Variants in POF1B observed in about 807,000 individuals in gnomAD.
The protein encoded by POF1B is POF1B actin binding protein, also known as protein POF1B.
Under a neutral mutation model 55.3 loss-of-function variants are expected in POF1B, and 53 were observed. That is an observed-to-expected ratio of 0.96 (90% CI 0.77 to 1.20). The LOEUF (loss-of-function observed/expected upper bound fraction) is 1.20. Among genes scored for constraint, POF1B ranks in the 50% most tolerant of loss-of-function variants. The pLI is 0.00. For synonymous variants in POF1B, 188 were observed against 148.3 expected (o/e 1.27, Z -1.95); for missense variants, 478 against 420.5 (o/e 1.14, Z -1.20).
chrX:85,287,265 G>A (rs1338444639), intron 15 of POF1B, among the ~76,000 whole-genome samples: 2 of 110,863 alleles, frequency 1.8e-5, no homozygotes, highest in Non-Finnish European at 3.8e-5. Context: ...TAGTGAAATA[G>A]GAAAGAGAGA....
At chrX:85,304,294 A>G (rs1381335251) in intron 14 of POF1B, 49 bp downstream of exon 14, 1 of 1,060,890 alleles carries the variant, frequency 9.4e-7, no homozygotes, top group Non-Finnish European at 1.2e-6. Context: ...ACAGTACTAC[A>G]GTACTAAGTT....
intron 7 of POF1B, among the ~76,000 whole-genome samples, chrX:85,328,416 G>A (rs1345792083): frequency 9.1e-6 from 1 of 110,108 alleles, no homozygotes; most frequent in Non-Finnish European, 1.9e-5. Flanking sequence ...ATGTTAGCCA[G>A]GATGGTCTCA....
At position 85,360,545 on chromosome X, in the gene POF1B, A is replaced by G. The variant is rs1320253543; in HGVS notation, c.358-915T>C. On this transcript the variant is annotated intron_variant, in intron 3 of 16. Transcript: ENST00000262753. ...ATGGTATGTATATATATATATATAT[A>G]TATATATATATATACATATATACAC... Among the ~76,000 whole-genome samples, 2 of 85,701 alleles carry G rather than the reference A, an allele frequency of 2.3e-5. 1 individual carries two copies. Among genetic ancestry groups the G allele is most frequent in the African/African-American group, 1.3e-4 (2 of 15,024 alleles). 74.4% of individuals were successfully genotyped at this position (85,701 alleles called of 115,157 possible).
chrX:85,319,542 T>C (rs907073792), intron 7 of POF1B, among the ~76,000 whole-genome samples: 2 of 111,340 alleles, frequency 1.8e-5, no homozygotes, highest in African/African-American at 3.3e-5. Flanking sequence ...AGTATGTTTC[T>C]CCAATTCCTA....
chrX:85,302,374 A>G (rs1932477941), intron 15 of POF1B, among the ~76,000 whole-genome samples: 1 of 111,730 alleles, frequency 9.0e-6, no homozygotes, highest in African/African-American at 3.2e-5. Flanking sequence ...AATACAAATC[A>G]AAACTCCAAT....
intron 5 of POF1B, among the ~76,000 whole-genome samples, chrX:85,349,218 A>G (rs184226842): frequency 2.4e-3 from 271 of 111,519 alleles, no homozygotes; most frequent in Non-Finnish European, 3.7e-3. Context: ...CTGGACACAA[A>G]TAAGTAATAA....
At chrX:85,321,321 A>C (rs1293018245) in intron 7 of POF1B, among the ~76,000 whole-genome samples, 3 of 111,015 alleles carry the variant, frequency 2.7e-5, no homozygotes, top group Non-Finnish European at 5.7e-5. Flanking sequence ...ACAGCATATA[A>C]ACAGAACCAA....
At chrX:85,298,358 T>C (rs1225040694) in intron 15 of POF1B, among the ~76,000 whole-genome samples, 2 of 111,650 alleles carry the variant, frequency 1.8e-5, no homozygotes, top group East Asian at 2.8e-4. Flanking sequence ...CTCCTGACAA[T>C]TGAAATGACT....
intron 5 of POF1B, among the ~76,000 whole-genome samples, chrX:85,348,844 A>G (rs1464332324): frequency 9.0e-6 from 1 of 111,713 alleles, no homozygotes; most frequent in African/African-American, 3.2e-5. Context: ...CCAGAGTCCA[A>G]GAATTAGAAA....
chrX:85,375,440 C>T (rs375081804), intron 2 of POF1B, among the ~76,000 whole-genome samples: 1 of 111,339 alleles, frequency 9.0e-6, no homozygotes, highest in African/African-American at 3.3e-5. Flanking sequence ...ATCAGACCTC[C>T]GTTAAACAAG....
At chrX:85,364,316 CTTGT>C (rs1933678704) in intron 3 of POF1B, among the ~76,000 whole-genome samples, 1 of 111,182 alleles carries the variant, frequency 9.0e-6, no homozygotes, top group African/African-American at 3.3e-5. Flanking sequence ...ATTATGCCGG[CTTGT>C]TTGTGTGGCT....
intron 15 of POF1B, among the ~76,000 whole-genome samples, chrX:85,290,587 C>T (rs1180089308): frequency 8.9e-6 from 1 of 111,778 alleles, no homozygotes; most frequent in Non-Finnish European, 1.9e-5. Context: ...TTAGCATTCC[C>T]TTTGATCTGC....
chrX:85,353,045 C>T (rs1009883891), intron 4 of POF1B, among the ~76,000 whole-genome samples: 3 of 111,041 alleles, frequency 2.7e-5, no homozygotes, highest in Non-Finnish European at 3.8e-5. Flanking sequence ...TAGAAAGAGA[C>T]AAATGCCTTT....
chrX:85,353,363 G>T (rs925849548), intron 4 of POF1B, among the ~76,000 whole-genome samples: 1 of 110,548 alleles, frequency 9.0e-6, no homozygotes, highest in African/African-American at 3.3e-5. Context: ...TTACTTCAGG[G>T]AGATTAATTA....
intron 4 of POF1B, among the ~76,000 whole-genome samples, chrX:85,354,754 C>T (rs774500668): frequency 3.4e-4 from 38 of 110,476 alleles, no homozygotes; most frequent in South Asian, 1.2e-3. Context: ...TTACAAGGGA[C>T]GTGAAGGACC....
chrX:85,304,328 C>A lies in POF1B; in HGVS notation c.1566+15G>T. 1 of 1,167,605 alleles carries A rather than the reference C, an allele frequency of 8.6e-7. No homozygotes were observed. Among genetic ancestry groups the A allele is most frequent in the Admixed American group, 2.4e-5 (1 of 41,248 alleles). On this transcript the variant is annotated intron_variant, in intron 14 of 16. Transcript: ENST00000262753. The stretch of plus-strand genomic sequence containing the variant: ...TTGTATTACTTTTCTCCATCCCCAC[C>A]CCTTCCTTTTATACCTCTGACTGAC...
At chrX:85,281,837 G>A (rs1931904366) in intron 16 of POF1B, among the ~76,000 whole-genome samples, 1 of 109,384 alleles carries the variant, frequency 9.1e-6, no homozygotes, top group African/African-American at 3.3e-5. Flanking sequence ...CTTCATAATT[G>A]TCTATGATAT....
chrX:85,319,703 C>A (rs1207681392), intron 7 of POF1B, among the ~76,000 whole-genome samples: 3 of 111,141 alleles, frequency 2.7e-5, no homozygotes, highest in African/African-American at 9.8e-5. Context: ...CAATCTTGCC[C>A]CCCAGAAATA....
chrX:85,334,598 A>C (rs1191550805), intron 6 of POF1B, among the ~76,000 whole-genome samples: 1 of 111,465 alleles, frequency 9.0e-6, no homozygotes, highest in Non-Finnish European at 1.9e-5. Flanking sequence ...TAATAGCTCC[A>C]GTAAACTCAA....
Sources: allele counts gnomAD v4.1 joint callset (sites outside exome capture counted in the v4.1 genomes callset), GRCh38; gene constraint gnomAD v4.1.1; transcripts MANE v1.5; gene names NCBI Gene and HGNC (gene_info 2026-07-23, HGNC 2026-07-21).